Variants in EMCN observed in about 807,000 individuals in gnomAD.
EMCN encodes MUC-14.
EMCN carries 37 observed loss-of-function variants against 38.4 expected under a neutral mutation model. That is an observed-to-expected ratio of 0.96 (90% CI 0.74 to 1.27). The LOEUF is 1.27. Among genes scored for constraint, EMCN ranks in the 50% most tolerant of loss-of-function variants. EMCN has a pLI of 0.00. For missense variants in EMCN, 318 were observed against 302.8 expected, an observed-to-expected ratio of 1.05 and a Z score of -0.37; for synonymous variants, 95 against 100.8, an observed-to-expected ratio of 0.94 and a Z score of 0.35.
In EMCN at chr4:100,473,365, G is replaced by GT; in HGVS notation, c.259+1672dup. ...TTCTAATGGGCATTTCCCGTTTCGT[G>GT]TTTTTTTGTTTTTTTTTTTTGTTTT... On this transcript the variant is annotated intron_variant, in intron 3 of 11. Transcript: ENST00000296420. Among the ~76,000 whole-genome samples the GT allele has an allele frequency of 5.0e-3, 149 of 29,826 alleles. 6 individuals are homozygous for GT. Among genetic ancestry groups the GT allele is most frequent in the South Asian group, 0.013 (6 of 456 alleles). The allele number at this position is 29,826 out of a possible 152,430, so 19.6% of individuals were successfully genotyped here.
chr4:100,401,324 A>T (rs962795658), intron 11 of EMCN, among the ~76,000 whole-genome samples: 1 of 152,204 alleles, frequency 6.6e-6, no homozygotes, highest in South Asian at 2.1e-4. Flanking sequence ...TAGTATAACA[A>T]CTATTTATAT....
At chr4:100,475,324 C>CACACAT (rs1334963079) in intron 2 of EMCN, among the ~76,000 whole-genome samples, 1 of 151,638 alleles carries the variant, frequency 6.6e-6, no homozygotes, top group African/African-American at 2.4e-5. Flanking sequence ...CACACACACA[C>CACACAT]ACACACACAC....
intron 11 of EMCN, among the ~76,000 whole-genome samples, chr4:100,402,986 TG>T (rs1726297505): frequency 6.6e-6 from 1 of 152,162 alleles, no homozygotes; most frequent in African/African-American, 2.4e-5. Context: ...CAGCTAGGGC[TG>T]GACAACGTCT....
chr4:100,411,988 TA>T (rs1726575501), intron 10 of EMCN, among the ~76,000 whole-genome samples: 1 of 152,126 alleles, frequency 6.6e-6, no homozygotes, highest in African/African-American at 2.4e-5. Context: ...CTTGTAAAAA[TA>T]AATAAGCAAA....
intron 9 of EMCN, 42 bp downstream of exon 9, chr4:100,417,075 A>T: frequency 6.3e-7 from 1 of 1,597,298 alleles, no homozygotes; most frequent in Non-Finnish European, 8.6e-7. Flanking sequence ...TTCACTACGT[A>T]AATGGTAGGG....
intron 5 of EMCN, among the ~76,000 whole-genome samples, chr4:100,424,144 G>A (rs992073280): frequency 1.3e-5 from 2 of 152,026 alleles, no homozygotes; most frequent in African/African-American, 4.8e-5. Flanking sequence ...ATCCATAGCT[G>A]TCAATAAGTT....
At chr4:100,491,518 G>T (rs1460988116) in intron 1 of EMCN, among the ~76,000 whole-genome samples, 1 of 152,162 alleles carries the variant, frequency 6.6e-6, no homozygotes, top group African/African-American at 2.4e-5. Context: ...CCCATAGGCA[G>T]GTGGGCAAAC....
rs1473144128 is a variant in EMCN at position 100,448,832 on chromosome 4, C to T, written c.377-1261G>A. Among the ~76,000 whole-genome samples the T allele has an allele frequency of 8.2e-3, 1,201 of 145,748 alleles. 75 individuals carry two copies. Among genetic ancestry groups the T allele is most frequent in the African/African-American group, 0.029 (1,122 of 38,748 alleles). ...CCTTCCTTCCTTCCTTCCTCCCTCCCTCCCTCCCTCCCTTCCTTGCTTTCT... is the reference window on the plus strand; with the variant it reads ...CCTTCCTTCCTTCCTTCCTCCCTCCTTCCCTCCCTCCCTTCCTTGCTTTCT... On this transcript the variant is annotated intron_variant, in intron 4 of 11. Coordinates refer to ENST00000296420, the MANE Select transcript of EMCN (RefSeq NM_016242.4).
In EMCN at chr4:100,469,718, T is replaced by C. The variant is rs551906904; in HGVS notation, c.260-4179A>G. On this transcript the variant is annotated intron_variant, in intron 3 of 11. Coordinates refer to ENST00000296420, the MANE Select transcript of EMCN (RefSeq NM_016242.4). ...TCTCCATTGTTTGTTTTTGGCAGCT[T>C]TGTTGAAGATTAGATAGTGTAGGTA... Among the ~76,000 whole-genome samples the C allele has an allele frequency of 2.0e-5, 3 of 152,180 alleles. No homozygotes were observed. In the South Asian group the frequency reaches 6.2e-4, roughly 32 times the overall value.
chr4:100,446,525 T>A (rs1182665356), intron 5 of EMCN, among the ~76,000 whole-genome samples: 1 of 152,132 alleles, frequency 6.6e-6, no homozygotes, highest in East Asian at 1.9e-4. Context: ...TTTATTTTTC[T>A]AATTTTTAAA....
chr4:100,445,565 G>T (rs1375655614), intron 5 of EMCN, among the ~76,000 whole-genome samples: 1 of 152,076 alleles, frequency 6.6e-6, no homozygotes, highest in African/African-American at 2.4e-5. Flanking sequence ...AATTCTATGG[G>T]CTGTAATTTT....
chr4:100,475,834 C>T (rs543098600), intron 2 of EMCN, among the ~76,000 whole-genome samples: 13 of 151,818 alleles, frequency 8.6e-5, no homozygotes, highest in East Asian at 3.9e-4. Flanking sequence ...CCCGCCACCA[C>T]GCCCGGCTAA....
chr4:100,422,961 G>T, intron 7 of EMCN, 60 bp downstream of exon 7: 1 of 1,512,292 alleles, frequency 6.6e-7, no homozygotes, highest in Non-Finnish European at 9.2e-7. Context: ...CTCCTTTACT[G>T]GTCACATTCA....
intron 11 of EMCN, among the ~76,000 whole-genome samples, chr4:100,399,839 T>A (rs1177430503): frequency 6.6e-6 from 1 of 152,182 alleles, no homozygotes; most frequent in African/African-American, 2.4e-5. Context: ...GTAAACTGCA[T>A]GTCATGGGTT....
rs185383119 is a variant in EMCN at position 100,468,518 on chromosome 4, T to C, written c.260-2979A>G. 5.1e-3 allele frequency among the ~76,000 whole-genome samples: 778 copies of C among 152,236 alleles called. 1 individual carries two copies. Among genetic ancestry groups the C allele is most frequent in the Non-Finnish European group, 6.4e-3 (434 of 67,970 alleles). ...ACAGCATTGTTTTATCTGATGCCCA[T>C]AGGAAAAATGTCTGACCACTTTGTC... On this transcript the variant is annotated intron_variant, in intron 3 of 11. Transcript: ENST00000296420.
chr4:100,464,066 A>G (rs1467803673), intron 4 of EMCN, among the ~76,000 whole-genome samples: 4 of 151,992 alleles, frequency 2.6e-5, no homozygotes, highest in Admixed American at 2.6e-4. Flanking sequence ...GTATCTTTAG[A>G]TATTTAATTT....
intron 1 of EMCN, among the ~76,000 whole-genome samples, chr4:100,502,244 C>T: frequency 6.6e-6 from 1 of 152,144 alleles, no homozygotes; most frequent in Non-Finnish European, 1.5e-5. Context: ...CTTTACCTGG[C>T]TGGGGCCATG....
rs188287413 is a variant in EMCN, at chr4:100,452,930, G to T, written c.377-5359C>A. On this transcript the variant is annotated intron_variant, in intron 4 of 11. Coordinates refer to ENST00000296420, the MANE Select transcript of EMCN (RefSeq NM_016242.4). ...CTGACAAAAACAAGCAATAGGGAAA[G>T]GATTCCCTATTTAATAAATGGTGCT... 1.4e-3 allele frequency among the ~76,000 whole-genome samples: 206 copies of T among 152,200 alleles called. 1 individual carries two copies. The highest frequency in any genetic ancestry group is 4.6e-3 in the African/African-American group (189 of 41,538).
At chr4:100,461,415 G>GATAGCATGGTCTGTCTA (rs1321357061) in intron 4 of EMCN, among the ~76,000 whole-genome samples, 1 of 152,042 alleles carries the variant, frequency 6.6e-6, no homozygotes, top group Non-Finnish European at 1.5e-5. Flanking sequence ...TAAATTTCAT[G>GATAGCATGGTCTGTCTA]ATAGCATGGT....
Sources: gnomAD v4.1 joint callset for allele counts (sites outside exome capture counted in the v4.1 genomes callset) on GRCh38, gnomAD v4.1.1 for gene constraint, MANE v1.5 for transcripts, NCBI Gene and HGNC (gene_info 2026-07-23, HGNC 2026-07-21) for gene names.